The following TIAM2 variants were observed in gnomAD, a reference collection of about 807,000 sequenced individuals.
TIAM2 encodes the protein rho guanine nucleotide exchange factor TIAM2.
A neutral mutation model predicts 152.9 loss-of-function variants in TIAM2; 80 were observed. The ratio of observed to expected loss-of-function variants is 0.52; its 90% CI spans 0.44 to 0.63. TIAM2 has a LOEUF of 0.63. TIAM2 is among the 30% of genes least tolerant of loss of function. The pLI, the probability that TIAM2 is intolerant of heterozygous loss-of-function variation, is 0.00. For missense variants in TIAM2, 1,965 were observed against 2,120.1 expected (o/e 0.93, Z 1.44); for synonymous variants, 804 against 838.0 (o/e 0.96, Z 0.70).
At chr6:155,000,227 A>G (rs1013247040) in intron 1 of TIAM2, among the ~76,000 whole-genome samples, 18 of 152,080 alleles carry the variant, frequency 1.2e-4, no homozygotes, top group South Asian at 2.1e-4. Context: ...TGAGCCCCCT[A>G]TGATGTGTTA....
chr6:155,157,482 T>A lies in TIAM2; in HGVS notation c.2029-6933T>A, dbSNP rs180798807. ...TTTTTTTTAGAATTAAAAATTTTTTTAAAAAATAGAGACGAGGTCTCGCTA... is the reference window on the plus strand; with the variant it reads ...TTTTTTTTAGAATTAAAAATTTTTTAAAAAAATAGAGACGAGGTCTCGCTA... On this transcript the variant is annotated intron_variant, in intron 7 of 26. Coordinates refer to ENST00000682666, the MANE Select transcript of TIAM2 (RefSeq NM_012454.4). 9.6e-4 allele frequency among the ~76,000 whole-genome samples: 146 copies of A among 151,890 alleles called. No individual in the cohort carries two copies. In the East Asian group the frequency reaches 0.017, roughly 18 times the overall value.
chr6:155,219,683 A>G (rs1781975919), intron 15 of TIAM2, among the ~76,000 whole-genome samples: 3 of 151,806 alleles, frequency 2.0e-5, no homozygotes, highest in African/African-American at 7.3e-5. Context: ...TTCTTGGTCT[A>G]TCCTTGGTCA....
intron 1 of TIAM2, among the ~76,000 whole-genome samples, chr6:155,057,017 CTTTTTTTTTT>C (rs71023612): frequency 2.1e-3 from 94 of 43,874 alleles, no homozygotes; most frequent in South Asian, 3.0e-3. Context: ...AGTTTTCTTT[CTTTTTTTTTT>C]TTTTTTTTTT....
intron 1 of TIAM2, among the ~76,000 whole-genome samples, chr6:155,014,286 T>C (rs182328918): frequency 6.6e-6 from 1 of 152,208 alleles, no homozygotes; most frequent in African/African-American, 2.4e-5. Flanking sequence ...CTTATTCTTA[T>C]GTCTTTATCT....
intron 1 of TIAM2, among the ~76,000 whole-genome samples, chr6:155,076,692 CTT>C (rs1777967635): frequency 6.6e-6 from 1 of 152,098 alleles, no homozygotes; most frequent in East Asian, 1.9e-4. Flanking sequence ...ACATCCTTTT[CTT>C]TTCTTTTTTT....
chr6:155,253,058 CTG>C lies in TIAM2; in HGVS notation c.4225+7_4225+8del, dbSNP rs1783767199. On this transcript the variant is annotated splice_donor_region_variant and intron_variant, in intron 24 of 26. Transcript: ENST00000682666. ...TCAGACTGGGGAATCCAGCAGGTAA[CTG>C]TTTCGTGCAGTATGATGCCAGAAAA... The C allele has an allele frequency of 6.2e-7, 1 of 1,611,658 alleles. No individual in the cohort carries two copies. Among genetic ancestry groups the C allele is most frequent in the Admixed American group, 1.7e-5 (1 of 59,990 alleles).
At chr6:155,155,322 A>G (rs543445840) in intron 7 of TIAM2, among the ~76,000 whole-genome samples, 2 of 151,642 alleles carry the variant, frequency 1.3e-5, no homozygotes, top group East Asian at 3.9e-4. Context: ...GATTACAGGC[A>G]TGTGCCACTA....
intron 1 of TIAM2, among the ~76,000 whole-genome samples, chr6:155,073,159 C>CTTTTTT (rs34459359): frequency 1.0e-4 from 11 of 105,304 alleles, no homozygotes; most frequent in South Asian, 3.3e-4. Flanking sequence ...TGATTAAGTT[C>CTTTTTT]TTTTTTTTTT....
intron 7 of TIAM2, among the ~76,000 whole-genome samples, chr6:155,150,779 C>T (rs1053156160): frequency 2.0e-5 from 3 of 151,976 alleles, no homozygotes; most frequent in African/African-American, 7.3e-5. Context: ...TGTATTCTAG[C>T]ATGACATGAG....
At position 155,078,579 on chromosome 6, in the gene TIAM2, G is replaced by A. The variant is rs563731906; in HGVS notation, c.-208-11710G>A. On this transcript the variant is annotated intron_variant, in intron 1 of 26. Coordinates refer to ENST00000682666, the MANE Select transcript of TIAM2 (RefSeq NM_012454.4). ...TCCCTGGTTCCTCACGTCCAACTCG[G>A]ACACATTCTTCAAGGCCAGGCCAGC... Among the ~76,000 whole-genome samples the A allele has an allele frequency of 2.0e-5, 3 of 152,216 alleles. No individual in the cohort carries two copies. In the East Asian group the frequency reaches 5.8e-4, roughly 29 times the overall value.
At chr6:155,043,306 C>A (rs1777088692) in intron 1 of TIAM2, among the ~76,000 whole-genome samples, 1 of 152,090 alleles carries the variant, frequency 6.6e-6, no homozygotes, top group African/African-American at 2.4e-5. Context: ...AACAAAGATG[C>A]CTTTGGTCTC....
At chr6:155,060,444 T>G (rs1777551011) in intron 1 of TIAM2, among the ~76,000 whole-genome samples, 1 of 152,206 alleles carries the variant, frequency 6.6e-6, no homozygotes, top group Non-Finnish European at 1.5e-5. Context: ...ATTGGAATTC[T>G]TTTGCCATAA....
rs370595535 is a variant in TIAM2, at chr6:155,019,639, T to G, written c.-209+24147T>G. Among the ~76,000 whole-genome samples the G allele has an allele frequency of 2.0e-5, 3 of 152,202 alleles. No homozygotes were observed. In the East Asian group the frequency reaches 5.8e-4, roughly 29 times the overall value. ...TAGAATGGAAGGAACACTGGACTGA[T>G]AGTTGGTTGGCCTGACTTCTTGCTC... On this transcript the variant is annotated intron_variant, in intron 1 of 26. Coordinates refer to ENST00000682666, the MANE Select transcript of TIAM2 (RefSeq NM_012454.4).
At chr6:155,118,087 G>A (rs949403571) in intron 2 of TIAM2, among the ~76,000 whole-genome samples, 2 of 152,160 alleles carry the variant, frequency 1.3e-5, no homozygotes, top group African/African-American at 2.4e-5. Flanking sequence ...GTTGATGGTC[G>A]TGCCGTGGTG....
intron 1 of TIAM2, among the ~76,000 whole-genome samples, chr6:155,012,249 C>T (rs1049910898): frequency 6.6e-6 from 1 of 152,064 alleles, no homozygotes; most frequent in African/African-American, 2.4e-5. Context: ...TACTGTACGG[C>T]CCACATTTCT....
Position 155,257,004 on chromosome 6 carries a change from T to C in TIAM2, c.4989T>C (p.Ser1663=), listed in dbSNP as rs781432314. 8.7e-6 allele frequency: 14 copies of C among 1,614,192 alleles called. No homozygotes were observed. The highest frequency in any genetic ancestry group is 9.3e-6 in the Non-Finnish European group (11 of 1,180,040). The change falls in exon 27 of 27, where the codon TCT becomes TCC. Residue 1663 remains serine, a synonymous_variant. Coordinates refer to ENST00000682666, the MANE Select transcript of TIAM2 (RefSeq NM_012454.4). ...QIRHQSLDSQ[S]ENATIDLNSV... ...GTCACCAGTCCCTTGACAGTCAGTC[T>C]GAAAATGCCACCATCGACCTAAATT...
At chr6:155,018,272 GAT>G (rs1303910777) in intron 1 of TIAM2, among the ~76,000 whole-genome samples, 1 of 147,740 alleles carries the variant, frequency 6.8e-6, no homozygotes, top group Non-Finnish European at 1.5e-5. Flanking sequence ...TGTGCAGATA[GAT>G]ATATATATGT....
At chr6:155,194,118 C>A (rs1227368665) in intron 14 of TIAM2, among the ~76,000 whole-genome samples, 1 of 152,110 alleles carries the variant, frequency 6.6e-6, no homozygotes, top group East Asian at 1.9e-4. Context: ...GAGGGTCTCA[C>A]CTTTGTTAAC....
chr6:155,209,113 C>T (rs1272659372), intron 14 of TIAM2, among the ~76,000 whole-genome samples: 1 of 151,868 alleles, frequency 6.6e-6, no homozygotes, highest in Non-Finnish European at 1.5e-5. Flanking sequence ...CCTGAGTGTC[C>T]CCACTCAGCA....
Sources: gnomAD v4.1 joint callset for allele counts (sites outside exome capture counted in the v4.1 genomes callset) on GRCh38, gnomAD v4.1.1 for gene constraint, MANE v1.5 for transcripts, NCBI Gene and HGNC (gene_info 2026-07-23, HGNC 2026-07-21) for gene names.